Variants in CNTN4 observed in about 807,000 individuals in gnomAD.
The protein encoded by CNTN4 is contactin 4, also known as contactin-4.
CNTN4 carries 77 observed loss-of-function variants against 122.5 expected under a neutral mutation model. That is an observed-to-expected ratio of 0.63 (90% confidence interval 0.52 to 0.76). The LOEUF (loss-of-function observed/expected upper bound fraction) is 0.76. CNTN4 is among the 30% of genes least tolerant of loss of function. The probability of loss-of-function intolerance (pLI) is 0.00; values close to 1 mark genes in which losing one functional copy is unlikely to be tolerated. For synonymous variants in CNTN4, 512 were observed against 447.0 expected (o/e 1.15, Z -1.83); for missense variants, 1,256 against 1,259.1 (o/e 1.00, Z 0.04).
At chr3:2,775,262 T>A (rs934182173) in intron 6 of CNTN4, among the ~76,000 whole-genome samples, 2 of 152,288 alleles carry the variant, frequency 1.3e-5, no homozygotes, top group East Asian at 1.9e-4. Flanking sequence ...TTCATTCTTA[T>A]GAATCTGTTT....
intron 4 of CNTN4, among the ~76,000 whole-genome samples, chr3:2,606,376 G>C (rs1410441340): frequency 1.3e-5 from 2 of 152,174 alleles, no homozygotes. Context: ...AGGAAAAACA[G>C]CTAACGCATG....
chr3:2,638,100 A>G (rs1263510583), intron 4 of CNTN4, among the ~76,000 whole-genome samples: 1 of 152,228 alleles, frequency 6.6e-6, no homozygotes, highest in Admixed American at 6.5e-5. Flanking sequence ...TAGGAATTTA[A>G]CAAGTGATAA....
chr3:2,677,329 A>AT (rs201013532), intron 4 of CNTN4, among the ~76,000 whole-genome samples: 33,855 of 141,412 alleles, frequency 0.24, 4,143 homozygotes, highest in South Asian at 0.45. Flanking sequence ...ACCCATTGAG[A>AT]TTTTTTTTTT....
chr3:2,507,562 C>T (rs1168612605), intron 3 of CNTN4, among the ~76,000 whole-genome samples: 6 of 151,558 alleles, frequency 4.0e-5, no homozygotes, highest in Middle Eastern at 3.4e-3. Flanking sequence ...AGTGAAACCC[C>T]GTCTCTACTA....
chr3:2,297,983 TG>T (rs2042375845), intron 2 of CNTN4, among the ~76,000 whole-genome samples: 1 of 152,166 alleles, frequency 6.6e-6, no homozygotes, highest in Non-Finnish European at 1.5e-5. Flanking sequence ...CTGCCTGCCT[TG>T]GCCTCCCAAA....
chr3:2,972,774 A>T (rs1353568269), intron 13 of CNTN4, among the ~76,000 whole-genome samples: 1 of 152,154 alleles, frequency 6.6e-6, no homozygotes, highest in South Asian at 2.1e-4. Context: ...CTTTGCTTTA[A>T]GTAGGTCAGG....
intron 4 of CNTN4, among the ~76,000 whole-genome samples, chr3:2,602,581 A>G (rs2081092551): frequency 6.6e-6 from 1 of 152,190 alleles, no homozygotes; most frequent in Admixed American, 6.5e-5. Context: ...TGCTCAACAA[A>G]ATAAAAGAGG....
At chr3:2,272,495 T>G (rs2041338170) in intron 2 of CNTN4, among the ~76,000 whole-genome samples, 1 of 152,218 alleles carries the variant, frequency 6.6e-6, no homozygotes, top group African/African-American at 2.4e-5. Flanking sequence ...ATGTGTAGTT[T>G]GGTTGTCTTA....
chr3:2,852,048 C>T (rs1342520475), intron 7 of CNTN4, among the ~76,000 whole-genome samples: 1 of 152,174 alleles, frequency 6.6e-6, no homozygotes, highest in Non-Finnish European at 1.5e-5. Flanking sequence ...CACACCCTAC[C>T]TCGTGGCTGC....
At chr3:2,264,188 C>A (rs2040950120) in intron 2 of CNTN4, among the ~76,000 whole-genome samples, 1 of 152,124 alleles carries the variant, frequency 6.6e-6, no homozygotes, top group Admixed American at 6.6e-5. Flanking sequence ...GAGGAAACTC[C>A]TTACTTTTTT....
At chr3:2,474,889 A>C (rs1018792513) in intron 3 of CNTN4, among the ~76,000 whole-genome samples, 3 of 152,186 alleles carry the variant, frequency 2.0e-5, no homozygotes, top group African/African-American at 7.2e-5. Context: ...ACTGCATGAT[A>C]TTCTTTCTGT....
chr3:2,822,945 G>A (rs1316638722), intron 7 of CNTN4, among the ~76,000 whole-genome samples: 9 of 152,094 alleles, frequency 5.9e-5, no homozygotes, highest in South Asian at 2.1e-4. Context: ...GCACATTAAC[G>A]CTGTGGGCAA....
At chr3:2,431,932 CTGAGT>C (rs1168275272) in intron 3 of CNTN4, among the ~76,000 whole-genome samples, 1 of 152,068 alleles carries the variant, frequency 6.6e-6, no homozygotes, top group East Asian at 1.9e-4. Context: ...TAGAGTATAC[CTGAGT>C]TAAGTGGAAA....
intron 3 of CNTN4, among the ~76,000 whole-genome samples, chr3:2,437,037 A>G (rs2048281644): frequency 6.6e-6 from 1 of 151,846 alleles, no homozygotes; most frequent in Non-Finnish European, 1.5e-5. Flanking sequence ...AGGTCCTTAG[A>G]TAAAATGTTT....
chr3:3,042,993 A>G lies in CNTN4; in HGVS notation c.2528A>G (p.His843Arg), dbSNP rs1229294677. Residue 843 changes from histidine to arginine, a missense_variant, in exon 22 of 25, where the codon CAT becomes CGT. His to Arg is a conservative substitution (Grantham distance 29, BLOSUM62 0). Transcript: ENST00000418658. Reference sequence around the variant, plus strand: ...TCTTCTTAGGTTAAATATTGGAGACATGAAGACAAAGAAGAAAATGCTAGA... The same window carrying G: ...TCTTCTTAGGTTAAATATTGGAGACGTGAAGACAAAGAAGAAAATGCTAGA... Reference protein sequence around the residue: ...IQGYEVKYWRHEDKEENARKI... With the variant: ...IQGYEVKYWRREDKEENARKI... 1 of 1,613,886 alleles carries G rather than the reference A, an allele frequency of 6.2e-7. No individual in the cohort carries two copies. The highest frequency in any genetic ancestry group is 8.5e-7 in the Non-Finnish European group (1 of 1,179,854).
intron 2 of CNTN4, among the ~76,000 whole-genome samples, chr3:2,281,708 A>G (rs538111398): frequency 1.3e-5 from 2 of 152,152 alleles, no homozygotes; most frequent in East Asian, 3.9e-4. Flanking sequence ...TGGTATTGCT[A>G]GGTGTTTTCG....
intron 4 of CNTN4, among the ~76,000 whole-genome samples, chr3:2,732,262 C>T (rs1222243431): frequency 6.6e-6 from 1 of 152,142 alleles, no homozygotes; most frequent in East Asian, 1.9e-4. Flanking sequence ...GCAGAAGAAT[C>T]ACCCAGAGAG....
At chr3:2,869,760 A>G (rs2093764370) in intron 8 of CNTN4, among the ~76,000 whole-genome samples, 1 of 152,178 alleles carries the variant, frequency 6.6e-6, no homozygotes, top group East Asian at 1.9e-4. Flanking sequence ...GGTGCTTGCC[A>G]CATGGCAAAT....
chr3:2,802,779 T>G (rs1230400794), intron 6 of CNTN4, among the ~76,000 whole-genome samples: 1 of 152,130 alleles, frequency 6.6e-6, no homozygotes, highest in Non-Finnish European at 1.5e-5. Flanking sequence ...CACCCGGCAG[T>G]ATGGTGCTGA....
Sources: allele counts gnomAD v4.1 joint callset (sites outside exome capture counted in the v4.1 genomes callset), GRCh38; gene constraint gnomAD v4.1.1; transcripts MANE v1.5; gene names NCBI Gene and HGNC (gene_info 2026-07-23, HGNC 2026-07-21).